Variants in CLEC2L observed in about 807,000 individuals in gnomAD.
The protein encoded by CLEC2L is C-type lectin domain family 2 member L, also known as C-type lectin domain family 2, member L.
Under a neutral mutation model 23.6 loss-of-function variants are expected in CLEC2L, and 14 were observed. The observed-to-expected ratio is 0.59, with a 90% CI of 0.39 to 0.93. The LOEUF (loss-of-function observed/expected upper bound fraction) is 0.93. Among genes scored for constraint, CLEC2L ranks in the 40% least tolerant of loss-of-function variants. The pLI, the probability that CLEC2L is intolerant of heterozygous loss-of-function variation, is 0.00. For synonymous variants in CLEC2L, 114 were observed against 121.3 expected (o/e 0.94, Z 0.40); for missense variants, 264 against 282.4 (o/e 0.93, Z 0.47).
intron 1 of CLEC2L, among the ~76,000 whole-genome samples, chr7:139,525,054 C>T (rs1019750094): frequency 6.6e-6 from 1 of 152,130 alleles, no homozygotes; most frequent in African/African-American, 2.4e-5. Context: ...CTCTGTGCCA[C>T]GTGGGAACTG....
At chr7:139,534,236 G>A in intron 1 of CLEC2L, 1 of 1,005,000 alleles carries the variant, frequency 1.0e-6, no homozygotes. Flanking sequence ...AAAGAGTTTG[G>A]CGCGATGTCT....
Position 139,540,068 on chromosome 7 carries a change from C to T in CLEC2L, c.266-253C>T, listed in dbSNP as rs895420399. 185 of 475,718 alleles carry T rather than the reference C, an allele frequency of 3.9e-4. 2 individuals carry two copies. Among genetic ancestry groups the T allele is most frequent in the Admixed American group, 1.6e-3 (46 of 29,560 alleles). The allele number at this position is 475,718 out of a possible 1,614,324, so 29.5% of individuals were successfully genotyped here. On this transcript the variant is annotated intron_variant, in intron 2 of 4. Transcript: ENST00000422142. This position sits in a 1 kb window ranked among gnomAD's most constrained non-coding sequence, Gnocchi z 5.8. Reference sequence around the variant, plus strand: ...TTCCATGCCTCTGGGAGTTTGGAGACAGAGGAGATCCTAACCCAGGGGCTG... The same window carrying T: ...TTCCATGCCTCTGGGAGTTTGGAGATAGAGGAGATCCTAACCCAGGGGCTG...
chr7:139,544,016 C>T (rs373575384), intron 4 of CLEC2L, among the ~76,000 whole-genome samples: 5 of 152,296 alleles, frequency 3.3e-5, no homozygotes, highest in African/African-American at 9.6e-5. Flanking sequence ...AATGTCTCAG[C>T]AGCGTGCCAG....
chr7:139,538,767 AAAACAAAC>A (rs140946221), intron 2 of CLEC2L, among the ~76,000 whole-genome samples: 149 of 150,990 alleles, frequency 9.9e-4, no homozygotes, highest in African/African-American at 2.8e-3. Flanking sequence ...AAAACAAAAC[AAAACAAAC>A]AAACAAACAA....
At chr7:139,528,031 G>C (rs1162864461) in intron 1 of CLEC2L, among the ~76,000 whole-genome samples, 2 of 152,142 alleles carry the variant, frequency 1.3e-5, no homozygotes, top group East Asian at 3.9e-4. Flanking sequence ...TCTAAAATTA[G>C]GTGAAATCAC....
rs951292924 is a variant in CLEC2L at position 139,531,810 on chromosome 7, T to C, written c.191-4464T>C. 4.0e-5 allele frequency among the ~76,000 whole-genome samples: 6 copies of C among 151,684 alleles called. No individual in the cohort carries two copies. In the East Asian group the frequency reaches 9.7e-4, roughly 25 times the overall value. On this transcript the variant is annotated intron_variant, in intron 1 of 4. Coordinates refer to ENST00000422142, the MANE Select transcript of CLEC2L (RefSeq NM_001080511.4). ...CTGTAATCTCAGCTACTTGGGAGGC[T>C]GAGGCAGGAAAATTGCTTGAACCCA...
intron 1 of CLEC2L, among the ~76,000 whole-genome samples, chr7:139,533,718 CTA>C (rs1797612984): frequency 6.6e-6 from 1 of 152,180 alleles, no homozygotes. Flanking sequence ...GCTTTTCAGA[CTA>C]TCTTTGGTGA....
At chr7:139,531,735 C>A (rs551295964) in intron 1 of CLEC2L, among the ~76,000 whole-genome samples, 183 of 151,920 alleles carry the variant, frequency 1.2e-3, no homozygotes, top group African/African-American at 4.0e-3. Context: ...ATGGTGAAAC[C>A]CCATCTCTAC....
chr7:139,525,144 T>C (rs1475688543), intron 1 of CLEC2L, among the ~76,000 whole-genome samples: 1 of 151,882 alleles, frequency 6.6e-6, no homozygotes, highest in Non-Finnish European at 1.5e-5. Context: ...AGCCAGGCCT[T>C]GCCCAGGAGC....
At chr7:139,535,689 A>G (rs1376610576) in intron 1 of CLEC2L, among the ~76,000 whole-genome samples, 2 of 152,210 alleles carry the variant, frequency 1.3e-5, no homozygotes, top group Admixed American at 6.5e-5. Flanking sequence ...AAGAGGATGG[A>G]TGGTGTAGAG....
intron 1 of CLEC2L, among the ~76,000 whole-genome samples, chr7:139,530,992 C>G (rs143781768): frequency 6.6e-6 from 1 of 152,168 alleles, no homozygotes; most frequent in East Asian, 1.9e-4. Context: ...CTCATCCATC[C>G]AAGAGGAAAA....
intron 1 of CLEC2L, among the ~76,000 whole-genome samples, chr7:139,534,816 G>A (rs976033871): frequency 8.6e-5 from 13 of 150,906 alleles, no homozygotes; most frequent in Non-Finnish European, 4.4e-5. Flanking sequence ...CTCAATTAAT[G>A]TTGGTTCCAG....
At chr7:139,525,999 A>G (rs1245582052) in intron 1 of CLEC2L, among the ~76,000 whole-genome samples, 1 of 152,060 alleles carries the variant, frequency 6.6e-6, no homozygotes, top group Non-Finnish European at 1.5e-5. Flanking sequence ...TCTCTGACTC[A>G]TGCCACCTGC....
intron 2 of CLEC2L, among the ~76,000 whole-genome samples, chr7:139,537,862 G>C (rs749357817): frequency 6.6e-6 from 1 of 152,194 alleles, no homozygotes; most frequent in Non-Finnish European, 1.5e-5. Flanking sequence ...GAAAGGGTTG[G>C]ATAAATGAAA....
chr7:139,541,812 A>G (rs1797739093), intron 3 of CLEC2L, among the ~76,000 whole-genome samples: 2 of 152,238 alleles, frequency 1.3e-5, no homozygotes, highest in African/African-American at 4.8e-5. Context: ...GAGGTCAGCC[A>G]GCAGCTTGGA....
At chr7:139,538,930 G>T (rs1797698317) in intron 2 of CLEC2L, among the ~76,000 whole-genome samples, 1 of 152,198 alleles carries the variant, frequency 6.6e-6, no homozygotes, top group African/African-American at 2.4e-5. Context: ...AAGCACAACA[G>T]TCTCTTAGGA....
rs879049352 is a variant in CLEC2L at position 139,534,268 on chromosome 7, A to C, written c.191-2006A>C. ...GTCTCACACCATTTTGCTGATACAG[A>C]CTACCAAGAGGCCAGAAGGCAGAAC... On this transcript the variant is annotated intron_variant, in intron 1 of 4. Transcript: ENST00000422142. 7 of 1,411,112 alleles carry C rather than the reference A, an allele frequency of 5.0e-6. No homozygotes were observed. The South Asian group carries it at 6.9e-5, about 14-fold the overall frequency. The allele number at this position is 1,411,112 out of a possible 1,614,324, so 87.4% of individuals were successfully genotyped here.
intron 1 of CLEC2L, among the ~76,000 whole-genome samples, chr7:139,532,852 T>C (rs1457283167): frequency 6.6e-6 from 1 of 152,140 alleles, no homozygotes; most frequent in Non-Finnish European, 1.5e-5. Context: ...GAAATAAATG[T>C]CTGTTGTTTA....
rs1250755896 is a variant in CLEC2L, at chr7:139,524,080, C to G, written c.153C>G (p.Gly51=). 3 of 1,226,844 alleles carry G rather than the reference C, an allele frequency of 2.4e-6. No individual in the cohort carries two copies. Among genetic ancestry groups the G allele is most frequent in the Admixed American group, 4.3e-5 (1 of 23,334 alleles). 76.0% of individuals were successfully genotyped at this position (1,226,844 alleles called of 1,614,324 possible). A position where few individuals can be genotyped will look rare whatever the true frequency, so the allele number is the denominator to read the frequency against. ...GGCTGCTGCGGCGATCCGGGTCGGG[C>G]TACGAGGGCAGCACCAGCTGGAAGG... is the stretch of plus-strand genomic sequence containing the variant. ...PEGLLRRSGS[G]YEGSTSWKAA... is the part of the protein sequence containing the mutation. Residue 51 remains glycine, a synonymous_variant, in exon 1 of 5, where the codon GGC becomes GGG. Transcript: ENST00000422142.
Sources: gnomAD v4.1 joint callset for allele counts (sites outside exome capture counted in the v4.1 genomes callset) on GRCh38, gnomAD v4.1.1 for gene constraint, Gnocchi (gnomAD v3.1) non-coding constraint, MANE v1.5 for transcripts, NCBI Gene and HGNC (gene_info 2026-07-23, HGNC 2026-07-21) for gene names.